MYRIP: variants seen among roughly 807,000 people sequenced by gnomAD.
MYRIP encodes rab effector MyRIP.
MYRIP carries 49 observed loss-of-function variants against 98.0 expected under a neutral mutation model. The observed-to-expected ratio is 0.50, with a 90% CI of 0.40 to 0.63. MYRIP has a LOEUF of 0.63. Among genes scored for constraint, MYRIP ranks in the 30% least tolerant of loss-of-function variants. MYRIP has a pLI of 0.00. For missense variants in MYRIP, 1,004 were observed against 1,058.2 expected (o/e 0.95, Z 0.71); for synonymous variants, 404 against 409.5 (o/e 0.99, Z 0.16).
chr3:40,211,196 G>T (rs56362327), intron 11 of MYRIP, among the ~76,000 whole-genome samples: 1 of 152,160 alleles, frequency 6.6e-6, no homozygotes, highest in Admixed American at 6.5e-5. Context: ...TTTACAATGA[G>T]CCAGAGATTC....
At chr3:39,819,589 T>C (rs963158154) in intron 1 of MYRIP, among the ~76,000 whole-genome samples, 3 of 152,192 alleles carry the variant, frequency 2.0e-5, no homozygotes, top group African/African-American at 7.2e-5. Context: ...TTCGTTGGGG[T>C]AACTGCAAAG....
At chr3:40,257,143 T>C (rs901633000) in intron 16 of MYRIP, among the ~76,000 whole-genome samples, 6 of 152,048 alleles carry the variant, frequency 3.9e-5, no homozygotes, top group African/African-American at 1.2e-4. Context: ...CTGGGCAACA[T>C]AGTGAGACCT....
At position 40,079,297 on chromosome 3, in the gene MYRIP, C is replaced by T. The variant is rs529556731; in HGVS notation, c.332+35026C>T. 2.0e-5 allele frequency among the ~76,000 whole-genome samples: 3 copies of T among 152,324 alleles called. No homozygotes were observed. The East Asian group carries it at 5.8e-4, about 29-fold the overall frequency. On this transcript the variant is annotated intron_variant, in intron 3 of 16. Transcript: ENST00000302541. ...CCTGGGCAACTGGGCTATGTGGTAT[C>T]TTAATAGTTAGGTGGCCCCTTTCAC...
chr3:39,989,923 G>T (rs1046437973), intron 2 of MYRIP, among the ~76,000 whole-genome samples: 2 of 152,212 alleles, frequency 1.3e-5, no homozygotes, highest in Non-Finnish European at 2.9e-5. Flanking sequence ...CCTGCCCTTA[G>T]AGCTTAGTTT....
chr3:40,111,756 G>GA (rs574938289), intron 3 of MYRIP, among the ~76,000 whole-genome samples: 219 of 148,742 alleles, frequency 1.5e-3, no homozygotes, highest in Non-Finnish European at 2.7e-3. Flanking sequence ...GAACGTTTGG[G>GA]AAAAAAAAAA....
chr3:40,155,677 T>C (rs1388414629), intron 4 of MYRIP, among the ~76,000 whole-genome samples: 3 of 151,622 alleles, frequency 2.0e-5, no homozygotes, highest in African/African-American at 7.3e-5. Context: ...TTTTAATGAT[T>C]GCCATTCTAA....
At chr3:39,933,775 T>G (rs1944594630) in intron 2 of MYRIP, among the ~76,000 whole-genome samples, 1 of 152,202 alleles carries the variant, frequency 6.6e-6, no homozygotes, top group Admixed American at 6.5e-5. Context: ...TACCAGGCAT[T>G]GTGCTAGAGA....
In MYRIP at chr3:40,078,862, G is replaced by C. The variant is rs146491108; in HGVS notation, c.332+34591G>C. Among the ~76,000 whole-genome samples, 71 of 152,348 alleles carry C rather than the reference G, an allele frequency of 4.7e-4. 3 individuals are homozygous for C. In the East Asian group the frequency reaches 0.012, roughly 27 times the overall value. On this transcript the variant is annotated intron_variant, in intron 3 of 16. Transcript: ENST00000302541. The stretch of plus-strand genomic sequence containing the variant: ...GTTCTGCTGAAGGAGACAGGGGAGT[G>C]CTGGGACTTCCACCTGTCAAAACAT...
At chr3:40,084,023 G>C (rs1414531438) in intron 3 of MYRIP, among the ~76,000 whole-genome samples, 1 of 150,282 alleles carries the variant, frequency 6.7e-6, no homozygotes, top group Admixed American at 6.7e-5. Context: ...TGTAGTCCCA[G>C]CTACTCAGGA....
chr3:40,212,514 A>G (rs1172085733), intron 11 of MYRIP, among the ~76,000 whole-genome samples: 4 of 152,142 alleles, frequency 2.6e-5, no homozygotes, highest in Admixed American at 2.0e-4. Context: ...CATGCCCATA[A>G]TCCCAGCACT....
chr3:40,166,793 G>T, intron 5 of MYRIP, 53 bp from the exon 6 acceptor site: 1 of 1,216,680 alleles, frequency 8.2e-7, no homozygotes, highest in Non-Finnish European at 1.2e-6. Flanking sequence ...TTGAACAATC[G>T]TTTTACTCAT....
At chr3:40,234,924 C>T (rs749654634) in intron 12 of MYRIP, among the ~76,000 whole-genome samples, 7 of 147,804 alleles carry the variant, frequency 4.7e-5, no homozygotes, top group Non-Finnish European at 8.9e-5. Flanking sequence ...ACACAGGAGG[C>T]GAAGGCTGTA....
chr3:39,885,828 G>A (rs764197014), intron 1 of MYRIP, among the ~76,000 whole-genome samples: 1 of 152,002 alleles, frequency 6.6e-6, no homozygotes, highest in African/African-American at 2.4e-5. Context: ...TAGTTCTCAA[G>A]CCTTGGTTTT....
intron 3 of MYRIP, chr3:40,100,204 C>G (rs1231442952): frequency 1.3e-5 from 13 of 985,258 alleles, no homozygotes; most frequent in Admixed American, 1.2e-4. Flanking sequence ...GACACGTGAG[C>G]TAAATTTGAG....
intron 4 of MYRIP, among the ~76,000 whole-genome samples, chr3:40,157,030 T>A (rs1193091840): frequency 6.6e-6 from 1 of 151,752 alleles, no homozygotes; most frequent in Non-Finnish European, 1.5e-5. Flanking sequence ...TCCAACACTA[T>A]GTTGAATAGG....
chr3:39,896,603 C>T (rs1263545516), intron 1 of MYRIP, among the ~76,000 whole-genome samples: 2 of 152,160 alleles, frequency 1.3e-5, no homozygotes, highest in Non-Finnish European at 2.9e-5. Flanking sequence ...CTAACCTAAA[C>T]CCACCATGGT....
At chr3:40,233,831 T>G in intron 11 of MYRIP, 28 bp from the exon 12 acceptor site, 1 of 1,597,572 alleles carries the variant, frequency 6.3e-7, no homozygotes, top group Non-Finnish European at 8.5e-7. Context: ...TCTTGTCTTC[T>G]GTCCCCTTCT....
chr3:40,004,919 C>T (rs528381877), intron 2 of MYRIP, among the ~76,000 whole-genome samples: 1 of 152,236 alleles, frequency 6.6e-6, no homozygotes, highest in East Asian at 1.9e-4. Context: ...ATGAGAAGTT[C>T]TTCAACCCTT....
chr3:39,918,160 C>T (rs1019542030), intron 2 of MYRIP, among the ~76,000 whole-genome samples: 3 of 152,144 alleles, frequency 2.0e-5, no homozygotes, highest in South Asian at 2.1e-4. Flanking sequence ...GTGATCCACC[C>T]GCCTCGGCCT....
Sources: allele counts gnomAD v4.1 joint callset (sites outside exome capture counted in the v4.1 genomes callset), GRCh38; gene constraint gnomAD v4.1.1; transcripts MANE v1.5; gene names NCBI Gene and HGNC (gene_info 2026-07-23, HGNC 2026-07-21).